JADE3: variants seen among roughly 807,000 people sequenced by gnomAD.
JADE3 encodes the protein protein Jade-3.
A neutral mutation model predicts 50.1 loss-of-function variants in JADE3; 2 were observed. The ratio of observed to expected loss-of-function variants is 0.04; its 90% CI spans 0.02 to 0.13. JADE3 has a LOEUF of 0.13. JADE3 is among the 10% of genes least tolerant of loss of function. The pLI is 1.00. For synonymous variants in JADE3, 218 were observed against 232.9 expected, an observed-to-expected ratio of 0.94 and a Z score of 0.58; for missense variants, 475 against 634.4, an observed-to-expected ratio of 0.75 and a Z score of 2.70.
At chrX:46,999,270 C>G (rs1445585092) in intron 4 of JADE3, among the ~76,000 whole-genome samples, 5 of 108,560 alleles carry the variant, frequency 4.6e-5, no homozygotes, top group African/African-American at 1.7e-4. Flanking sequence ...TTCATGAGCA[C>G]TCCACCCTCA....
chrX:46,936,207 C>T (rs1371600211), intron 1 of JADE3, among the ~76,000 whole-genome samples: 7 of 109,777 alleles, frequency 6.4e-5, no homozygotes, highest in South Asian at 3.9e-4. Flanking sequence ...TTAGTAGAAA[C>T]GGGGTTTCGC....
chrX:46,976,010 G>T (rs1206201470), intron 1 of JADE3, among the ~76,000 whole-genome samples: 1 of 110,515 alleles, frequency 9.0e-6, no homozygotes, highest in Non-Finnish European at 1.9e-5. Context: ...TTATAGGCGT[G>T]AACCACCGTG....
intron 1 of JADE3, among the ~76,000 whole-genome samples, chrX:46,982,204 T>A (rs1927770538): frequency 9.0e-6 from 1 of 111,335 alleles, no homozygotes; most frequent in South Asian, 3.7e-4. Context: ...GTTGACCTAC[T>A]TCAAGTTCAT....
chrX:47,015,840 C>T (rs1475565092), intron 4 of JADE3, among the ~76,000 whole-genome samples: 1 of 105,762 alleles, frequency 9.5e-6, no homozygotes, highest in Non-Finnish European at 1.9e-5. Context: ...CTATCTCAGC[C>T]TCCTGAGTAG....
chrX:46,960,060 T>G (rs1033209956), intron 1 of JADE3, among the ~76,000 whole-genome samples: 11 of 110,797 alleles, frequency 9.9e-5, no homozygotes, highest in African/African-American at 3.6e-4. Flanking sequence ...AGGCATTGCC[T>G]CTCCCAAGAA....
At chrX:47,048,901 C>T (rs1929435590) in intron 8 of JADE3, among the ~76,000 whole-genome samples, 3 of 111,788 alleles carry the variant, frequency 2.7e-5, no homozygotes, top group Middle Eastern at 4.7e-3. Context: ...CTGTAATGCA[C>T]GTAGTAAAGT....
rs782428441 is a variant in JADE3 at position 47,047,731 on chromosome X, A to G, written c.973-6427A>G. Among the ~76,000 whole-genome samples the G allele has an allele frequency of 1.8e-5, 2 of 111,516 alleles. 1 individual carries two copies. Among genetic ancestry groups the G allele is most frequent in the South Asian group, 7.5e-4 (2 of 2,662 alleles). On this transcript the variant is annotated intron_variant, in intron 8 of 10. Coordinates refer to ENST00000614628, the MANE Select transcript of JADE3 (RefSeq NM_014735.5). The stretch of plus-strand genomic sequence containing the variant: ...GTTTGGCAGCTCCTCAAAATGTTAA[A>G]CATAGAGTTACCTTATAAACCAGTA...
intron 6 of JADE3, among the ~76,000 whole-genome samples, chrX:47,029,560 C>G (rs1339508865): frequency 8.9e-6 from 1 of 111,923 alleles, no homozygotes; most frequent in Non-Finnish European, 1.9e-5. Context: ...TACAAAATGA[C>G]TAAAGTAATT....
intron 1 of JADE3, among the ~76,000 whole-genome samples, chrX:46,932,839 T>C (rs1205322429): frequency 8.9e-6 from 1 of 112,053 alleles, no homozygotes; most frequent in Non-Finnish European, 1.9e-5. Context: ...CTTCCTATCA[T>C]GTTATTGTTC....
intron 1 of JADE3, among the ~76,000 whole-genome samples, chrX:46,942,816 T>C (rs1415045079): frequency 2.7e-5 from 3 of 112,407 alleles, no homozygotes; most frequent in African/African-American, 9.7e-5. Context: ...TTAATGATAT[T>C]GATTCTTCCA....
At position 46,923,393 on chromosome X, in the gene JADE3, C is replaced by CTCTCTTTTTT. The variant is rs1556338199; in HGVS notation, c.-12+10675_-12+10676insCTCTTTTTTT. Among the ~76,000 whole-genome samples the CTCTCTTTTTT allele has an allele frequency of 6.1e-4, 7 of 11,522 alleles. 1 individual carries two copies. Among genetic ancestry groups the CTCTCTTTTTT allele is most frequent in the Non-Finnish European group, 1.4e-3 (7 of 4,943 alleles). 10.0% of individuals were successfully genotyped at this position (11,522 alleles called of 115,157 possible). A position where few individuals can be genotyped will look rare whatever the true frequency, so the allele number is the denominator to read the frequency against. On this transcript the variant is annotated intron_variant, in intron 1 of 10. Coordinates refer to ENST00000614628, the MANE Select transcript of JADE3 (RefSeq NM_014735.5). ...ATTTCTTTTCTCTCTCTCTCTCTCT[C>CTCTCTTTTTT]TTTTTTTTTTTTTTTTTTTTTTTTT...
intron 1 of JADE3, among the ~76,000 whole-genome samples, chrX:46,941,437 G>T (rs929548530): frequency 7.2e-5 from 8 of 111,230 alleles, no homozygotes; most frequent in African/African-American, 2.6e-4. Flanking sequence ...GGAATTGCTG[G>T]GTTGAATAGT....
chrX:47,048,443 A>T (rs1367762457), intron 8 of JADE3, among the ~76,000 whole-genome samples: 1 of 112,152 alleles, frequency 8.9e-6, no homozygotes, highest in African/African-American at 3.2e-5. Context: ...AGTTAAAACA[A>T]CCCAAATGTC....
At chrX:46,975,714 CTTTTTTTTTTT>C (rs782578317) in intron 1 of JADE3, among the ~76,000 whole-genome samples, 1 of 40,524 alleles carries the variant, frequency 2.5e-5, no homozygotes, top group African/African-American at 1.1e-4. Context: ...TTTTCTTTTT[CTTTTTTTTTTT>C]TTTTTTTTTT....
intron 1 of JADE3, among the ~76,000 whole-genome samples, chrX:46,941,201 G>A (rs1241625735): frequency 9.0e-6 from 1 of 111,001 alleles, no homozygotes; most frequent in Non-Finnish European, 1.9e-5. Flanking sequence ...ATTCACTTAG[G>A]ATAATGGCCT....
At chrX:46,925,367 A>G (rs1490188791) in intron 1 of JADE3, among the ~76,000 whole-genome samples, 1 of 112,687 alleles carries the variant, frequency 8.9e-6, no homozygotes, top group African/African-American at 3.2e-5. Context: ...AGGAATGCTT[A>G]TTTAAAGAGA....
chrX:47,058,458 A>G lies in JADE3; in HGVS notation c.1853A>G (p.Glu618Gly). ...AGCCATTCTAGGAGTGAAGCAAAGG[A>G]GTCCAGTCCTGCTTGGAGAACCCCG... ...SLSHSRSEAK[E>G]SSPAWRTPSS... is the part of the protein sequence containing the mutation. Residue 618 changes from glutamate (E) to glycine (G), a missense_variant, in exon 11 of 11, where the codon GAG becomes GGG. Around this residue, in one of 6 missense-constraint regions of JADE3, gnomAD observed 243 missense variants for 238.2 expected, o/e 1.02. Coordinates refer to ENST00000614628, the MANE Select transcript of JADE3 (RefSeq NM_014735.5). 1 of 1,211,577 alleles carries G rather than the reference A, an allele frequency of 8.3e-7. No homozygotes were observed. The highest frequency in any genetic ancestry group is 1.1e-6 in the Non-Finnish European group (1 of 895,322).
chrX:46,987,781 G>A (rs909277433), intron 3 of JADE3, among the ~76,000 whole-genome samples: 26 of 112,128 alleles, frequency 2.3e-4, no homozygotes, highest in Non-Finnish European at 2.3e-4. Context: ...CAAGGGCTTT[G>A]GGTTTTGAGG....
At chrX:47,047,796 C>T (rs1556371034) in intron 8 of JADE3, among the ~76,000 whole-genome samples, 2 of 111,573 alleles carry the variant, frequency 1.8e-5, no homozygotes, top group Non-Finnish European at 3.8e-5. Flanking sequence ...AAGAGATCAC[C>T]AAGACCATTC....
Sources: allele counts gnomAD v4.1 joint callset (sites outside exome capture counted in the v4.1 genomes callset), GRCh38; gene constraint gnomAD v4.1.1; regional missense constraint gnomAD v4.1.1; transcripts MANE v1.5; gene names NCBI Gene and HGNC (gene_info 2026-07-23, HGNC 2026-07-21).